Variants in CNGB3 observed in about 807,000 individuals in gnomAD.
CNGB3 encodes the protein cyclic nucleotide-gated channel beta-3.
Under a neutral mutation model 92.8 loss-of-function variants are expected in CNGB3, and 86 were observed. The ratio of observed to expected loss-of-function variants is 0.93; its 90% CI spans 0.78 to 1.11. The LOEUF is 1.11. Among genes scored for constraint, CNGB3 ranks in the 50% least tolerant of loss-of-function variants. The pLI is 0.00. For synonymous variants in CNGB3, 333 were observed against 332.7 expected (o/e 1.00, Z -0.01); for missense variants, 1,026 against 956.8 (o/e 1.07, Z -0.95).
At chr8:86,662,109 G>T (rs116148830) in intron 6 of CNGB3, among the ~76,000 whole-genome samples, 2 of 152,208 alleles carry the variant, frequency 1.3e-5, no homozygotes, top group African/African-American at 4.8e-5. Flanking sequence ...AGCATGGGGC[G>T]CCACTGCAGC....
intron 2 of CNGB3, among the ~76,000 whole-genome samples, chr8:86,733,337 C>T (rs2131677963): frequency 6.6e-6 from 1 of 152,278 alleles, no homozygotes; most frequent in South Asian, 2.1e-4. Flanking sequence ...TTTATCCAAT[C>T]CACTGTTGAT....
intron 3 of CNGB3, among the ~76,000 whole-genome samples, chr8:86,721,104 T>G (rs1350791388): frequency 6.6e-6 from 1 of 151,718 alleles, no homozygotes; most frequent in East Asian, 1.9e-4. Flanking sequence ...GTAGCTGGGA[T>G]TAGAGGTGCA....
At chr8:86,703,411 T>C (rs2131648964) in intron 3 of CNGB3, among the ~76,000 whole-genome samples, 1 of 152,298 alleles carries the variant, frequency 6.6e-6, no homozygotes, top group East Asian at 1.9e-4. Flanking sequence ...GAATAGGAAT[T>C]CACTGGGTGC....
At chr8:86,743,282 C>T (rs915760150) in intron 1 of CNGB3, among the ~76,000 whole-genome samples, 7 of 152,088 alleles carry the variant, frequency 4.6e-5, no homozygotes, top group African/African-American at 1.7e-4. Flanking sequence ...TTGGCTTTTC[C>T]AAATCCTAGT....
chr8:86,615,485 C>T lies in CNGB3; in HGVS notation c.1579-3814G>A, dbSNP rs920805301. Among the ~76,000 whole-genome samples, 8 of 151,992 alleles carry T rather than the reference C, an allele frequency of 5.3e-5. 1 individual carries two copies. Among genetic ancestry groups the T allele is most frequent in the African/African-American group, 1.7e-4 (7 of 41,362 alleles). ...GGGCATGGTGACACGTGACTGTAAT[C>T]CCAGCTACTTGGGAGGCTGAAGTGA... is the stretch of plus-strand genomic sequence containing the variant. On this transcript the variant is annotated intron_variant, in intron 13 of 17. Transcript: ENST00000320005.
chr8:86,677,875 T>C (rs771279080), intron 3 of CNGB3, among the ~76,000 whole-genome samples: 6 of 152,210 alleles, frequency 3.9e-5, no homozygotes, highest in Non-Finnish European at 7.3e-5. Flanking sequence ...AACAGGTATG[T>C]AGACTCTTGT....
intron 6 of CNGB3, chr8:86,657,818 G>A: frequency 2.0e-6 from 1 of 507,568 alleles, no homozygotes; most frequent in Non-Finnish European, 4.0e-6. Flanking sequence ...ATTCCTTCTG[G>A]TGCCACGTCT....
At chr8:86,721,526 A>G (rs1180444155) in intron 3 of CNGB3, among the ~76,000 whole-genome samples, 2 of 152,052 alleles carry the variant, frequency 1.3e-5, no homozygotes, top group Admixed American at 1.3e-4. Context: ...ACCAAACACC[A>G]CCTGTTCCCC....
intron 11 of CNGB3, among the ~76,000 whole-genome samples, chr8:86,631,525 T>A (rs1424669404): frequency 1.3e-5 from 2 of 152,112 alleles, no homozygotes; most frequent in Non-Finnish European, 2.9e-5. Flanking sequence ...AGAGAAAAAA[T>A]TGACTGTGAT....
chr8:86,662,430 A>G (rs1377033648), intron 6 of CNGB3, among the ~76,000 whole-genome samples: 2 of 152,238 alleles, frequency 1.3e-5, no homozygotes, highest in African/African-American at 4.8e-5. Flanking sequence ...AGAGAGATAC[A>G]TAGACAAATA....
intron 14 of CNGB3, among the ~76,000 whole-genome samples, chr8:86,608,287 A>G (rs1187554404): frequency 6.6e-6 from 1 of 152,242 alleles, no homozygotes; most frequent in African/African-American, 2.4e-5. Context: ...AGAAGTGACC[A>G]GAAGACAAGA....
chr8:86,666,582 G>A (rs762432227), intron 6 of CNGB3, among the ~76,000 whole-genome samples: 8 of 152,166 alleles, frequency 5.3e-5, no homozygotes, highest in Admixed American at 2.6e-4. Context: ...GAACAATAAT[G>A]CTAGCTGACA....
At chr8:86,736,973 C>A (rs564291380) in intron 2 of CNGB3, among the ~76,000 whole-genome samples, 1 of 152,266 alleles carries the variant, frequency 6.6e-6, no homozygotes, top group Admixed American at 6.5e-5. Flanking sequence ...ATATTGCATT[C>A]ACGTTGAAAA....
Position 86,633,488 on chromosome 8 carries a change from T to G in CNGB3, c.1179-595A>C, listed in dbSNP as rs115065801. Among the ~76,000 whole-genome samples the G allele has an allele frequency of 8.7e-3, 1,327 of 152,290 alleles. 16 individuals are homozygous for G. Among genetic ancestry groups the G allele is most frequent in the African/African-American group, 0.03 (1,250 of 41,540 alleles). On this transcript the variant is annotated intron_variant, in intron 10 of 17. Coordinates refer to ENST00000320005, the MANE Select transcript of CNGB3 (RefSeq NM_019098.5). ...AGCTTGGGCTTCCTCATAGCATGGATGTCTAAGGTAGATGGATTTTTACAT... is the reference window on the plus strand; with the variant it reads ...AGCTTGGGCTTCCTCATAGCATGGAGGTCTAAGGTAGATGGATTTTTACAT...
chr8:86,666,159 A>C (rs1224761441), intron 6 of CNGB3, among the ~76,000 whole-genome samples: 1 of 152,234 alleles, frequency 6.6e-6, no homozygotes, highest in African/African-American at 2.4e-5. Flanking sequence ...AAAAGTATTG[A>C]AGTGAACGGT....
rs1823624845 is a variant in CNGB3, at chr8:86,660,753, A to C, written c.852+6172T>G. Reference sequence around the variant, plus strand: ...ACATATCCTCCTGAGAGAACAGGTAACACCACTCAAACAAATGGAGGATAA... The same window carrying C: ...ACATATCCTCCTGAGAGAACAGGTACCACCACTCAAACAAATGGAGGATAA... On this transcript the variant is annotated intron_variant, in intron 6 of 17. Transcript: ENST00000320005. The C allele has an allele frequency of 5.7e-6, 3 of 525,766 alleles. No individual in the cohort carries two copies. The Admixed American group carries it at 5.9e-5, about 10-fold the overall frequency. The allele number at this position is 525,766 out of a possible 1,614,324, so 32.6% of individuals were successfully genotyped here.
At chr8:86,708,503 T>G (rs1252535959) in intron 3 of CNGB3, among the ~76,000 whole-genome samples, 1 of 151,988 alleles carries the variant, frequency 6.6e-6, no homozygotes, top group African/African-American at 2.4e-5. Flanking sequence ...TTGGGAAAAG[T>G]GGACAGAAGC....
chr8:86,716,151 C>T (rs1824849325), intron 3 of CNGB3, among the ~76,000 whole-genome samples: 1 of 152,052 alleles, frequency 6.6e-6, no homozygotes, highest in African/African-American at 2.4e-5. Context: ...AAAGACGAGG[C>T]TTTCAAATTA....
Position 86,713,205 on chromosome 8 carries a change from T to C in CNGB3, c.338+13326A>G, listed in dbSNP as rs555222524. ...AATTAACTTCTTTATTGCATAGTGGTTAGAGAATATATTCAATATGATGGG... is the reference window on the plus strand; with the variant it reads ...AATTAACTTCTTTATTGCATAGTGGCTAGAGAATATATTCAATATGATGGG... On this transcript the variant is annotated intron_variant, in intron 3 of 17. Transcript: ENST00000320005. Among the ~76,000 whole-genome samples the C allele has an allele frequency of 1.4e-3, 206 of 152,276 alleles. 6 individuals are homozygous for C. The South Asian group carries it at 0.031, about 23-fold the overall frequency.
Sources: allele counts gnomAD v4.1 joint callset (sites outside exome capture counted in the v4.1 genomes callset), GRCh38; gene constraint gnomAD v4.1.1; transcripts MANE v1.5; gene names NCBI Gene and HGNC (gene_info 2026-07-23, HGNC 2026-07-21).